Variants in GRM5 observed in about 807,000 individuals in gnomAD.
GRM5 encodes the protein glutamate metabotropic receptor 5, also known as metabotropic glutamate receptor 5.
GRM5 carries 19 observed loss-of-function variants against 83.1 expected under a neutral mutation model. The observed-to-expected ratio is 0.23, with a 90% CI of 0.16 to 0.34. The LOEUF is 0.34. GRM5 is among the 10% of genes least tolerant of loss of function. The pLI is 1.00. For synonymous variants in GRM5, 675 were observed against 633.6 expected, an observed-to-expected ratio of 1.07 and a Z score of -0.98; for missense variants, 1,160 against 1,588.3, an observed-to-expected ratio of 0.73 and a Z score of 4.58.
intron 2 of GRM5, among the ~76,000 whole-genome samples, chr11:88,875,305 T>C (rs1944833226): frequency 6.6e-6 from 1 of 152,018 alleles, no homozygotes; most frequent in Non-Finnish European, 1.5e-5. Flanking sequence ...TCTTTGCTTA[T>C]CTATTAGAAG....
intron 2 of GRM5, among the ~76,000 whole-genome samples, chr11:88,976,074 C>T (rs369626770): frequency 2.0e-5 from 3 of 152,208 alleles, no homozygotes; most frequent in East Asian, 3.9e-4. Flanking sequence ...TTGGTTCCAC[C>T]TATTTGATTA....
intron 2 of GRM5, among the ~76,000 whole-genome samples, chr11:88,933,933 A>G (rs867255571): frequency 7.2e-5 from 11 of 151,972 alleles, no homozygotes; most frequent in Admixed American, 5.9e-4. Flanking sequence ...ACCTGGGCCT[A>G]TTAAAATTAA....
At chr11:89,042,642 A>G (rs1371312008) in intron 2 of GRM5, among the ~76,000 whole-genome samples, 1 of 152,188 alleles carries the variant, frequency 6.6e-6, no homozygotes, top group Non-Finnish European at 1.5e-5. Flanking sequence ...TAGCTTCCAC[A>G]GTACCATTTA....
chr11:88,848,744 A>AT (rs1944340324), intron 3 of GRM5, among the ~76,000 whole-genome samples: 1 of 152,190 alleles, frequency 6.6e-6, no homozygotes, highest in African/African-American at 2.4e-5. Flanking sequence ...TGCCTGGGCT[A>AT]TGAGTGCCCA....
chr11:88,722,709 A>G (rs1487600119), intron 3 of GRM5, among the ~76,000 whole-genome samples: 3 of 152,124 alleles, frequency 2.0e-5, no homozygotes, highest in Non-Finnish European at 4.4e-5. Flanking sequence ...TAATAAGTAG[A>G]TTTTAATTTT....
chr11:89,045,229 T>A (rs1406919400), intron 2 of GRM5, among the ~76,000 whole-genome samples: 1 of 152,156 alleles, frequency 6.6e-6, no homozygotes, highest in Non-Finnish European at 1.5e-5. Flanking sequence ...ATAGAATGTT[T>A]TCATGTAATT....
At chr11:88,917,325 C>A (rs1945612349) in intron 2 of GRM5, among the ~76,000 whole-genome samples, 1 of 152,162 alleles carries the variant, frequency 6.6e-6, no homozygotes, top group Non-Finnish European at 1.5e-5. Flanking sequence ...AGATTTAGAA[C>A]AACATTCAAT....
At chr11:88,884,340 T>C (rs1376710565) in intron 2 of GRM5, among the ~76,000 whole-genome samples, 2 of 152,182 alleles carry the variant, frequency 1.3e-5, no homozygotes, top group Non-Finnish European at 2.9e-5. Flanking sequence ...CCCCTTTGTT[T>C]TGGCCAATTT....
At chr11:88,887,990 C>G (rs1945074558) in intron 2 of GRM5, among the ~76,000 whole-genome samples, 1 of 152,136 alleles carries the variant, frequency 6.6e-6, no homozygotes, top group Admixed American at 6.6e-5. Flanking sequence ...CCAGCCCTTC[C>G]AGTCTGCCTT....
rs1945027301 is a variant in GRM5, at chr11:88,885,450, G to GGTTTTTTTTTTTTTTTTTTTTTTTTTT, written c.662-35296_662-35295insAAAAAAAAAAAAAAAAAAAAAAAAAAC. On this transcript the variant is annotated intron_variant, in intron 2 of 9. Transcript: ENST00000305447. ...TTCTGAATTCTATAGTAGGTACCAT[G>GGTTTTTTTTTTTTTTTTTTTTTTTTTT]TTTTTTTTTTTTTTTTTTTTTTTTT... Among the ~76,000 whole-genome samples the GGTTTTTTTTTTTTTTTTTTTTTTTTTT allele has an allele frequency of 1.6e-4, 10 of 62,666 alleles. 5 individuals carry two copies. The highest frequency in any genetic ancestry group is 2.4e-4 in the African/African-American group (4 of 16,858). The allele number at this position is 62,666 out of a possible 152,430, so 41.1% of individuals were successfully genotyped here.
At chr11:88,696,214 A>C (rs1448651815) in intron 3 of GRM5, among the ~76,000 whole-genome samples, 3 of 151,832 alleles carry the variant, frequency 2.0e-5, no homozygotes, top group Non-Finnish European at 4.4e-5. Context: ...GCTGAATTTC[A>C]CTGTTGATGG....
rs753200430 is a variant in GRM5 at position 89,047,648 on chromosome 11, G to A, written c.225C>T (p.Thr75=). 1 of 1,613,980 alleles carries A rather than the reference G, an allele frequency of 6.2e-7. No individual in the cohort carries two copies. Among genetic ancestry groups the A allele is most frequent in the East Asian group, 2.2e-5 (1 of 44,876 alleles). ...GIQRVEAMLH[T]LERINSDPTL... ...TGGGGTCTGAATTGATCCTTTCCAG[G>A]GTATGCAGCATGGCCTCCACTCTCT... Residue 75 remains threonine, a synonymous_variant, in exon 2 of 10, where the codon ACC becomes ACT. Transcript: ENST00000305447. The surrounding 1 kb of genome is among the most constrained non-coding windows in gnomAD (Gnocchi z 5.1).
intron 2 of GRM5, among the ~76,000 whole-genome samples, chr11:88,882,361 C>T (rs1198414213): frequency 1.3e-5 from 2 of 149,596 alleles, no homozygotes; most frequent in Admixed American, 6.7e-5. Flanking sequence ...ACCATCCTGG[C>T]TAACACGGTG....
At chr11:88,671,399 A>G (rs149199672) in intron 3 of GRM5, among the ~76,000 whole-genome samples, 43 of 152,264 alleles carry the variant, frequency 2.8e-4, no homozygotes, top group African/African-American at 9.1e-4. Context: ...AGCACCTCTC[A>G]GGTTTTGTCT....
intron 2 of GRM5, among the ~76,000 whole-genome samples, chr11:88,932,729 C>T (rs1387606203): frequency 6.6e-6 from 1 of 151,852 alleles, no homozygotes; most frequent in Non-Finnish European, 1.5e-5. Context: ...GTTCTGTAGA[C>T]ATTTTCCAAG....
intron 3 of GRM5, among the ~76,000 whole-genome samples, chr11:88,826,504 A>ATTAAAGCC (rs1943896684): frequency 6.6e-6 from 1 of 151,792 alleles, no homozygotes; most frequent in African/African-American, 2.4e-5. Flanking sequence ...TGAAAATTTC[A>ATTAAAGCC]TTAAAGCCTT....
chr11:89,048,872 A>G (rs1365313699), intron 1 of GRM5, among the ~76,000 whole-genome samples: 1 of 152,194 alleles, frequency 6.6e-6, no homozygotes, highest in Non-Finnish European at 1.5e-5. Context: ...TAAACTGTTT[A>G]ACCTCTTGGT....
At chr11:88,722,992 A>C (rs1941583348) in intron 3 of GRM5, among the ~76,000 whole-genome samples, 1 of 152,050 alleles carries the variant, frequency 6.6e-6, no homozygotes, top group African/African-American at 2.4e-5. Context: ...TCAGGCCCTA[A>C]AAATCCCCTG....
At chr11:88,893,093 C>T (rs1052428765) in intron 2 of GRM5, among the ~76,000 whole-genome samples, 1 of 150,386 alleles carries the variant, frequency 6.6e-6, no homozygotes, top group South Asian at 2.1e-4. Context: ...GTTTCCACTG[C>T]TGTAGTATTT....
Sources: allele counts gnomAD v4.1 joint callset (sites outside exome capture counted in the v4.1 genomes callset), GRCh38; gene constraint gnomAD v4.1.1; non-coding constraint Gnocchi (gnomAD v3.1); transcripts MANE v1.5; gene names NCBI Gene and HGNC (gene_info 2026-07-23, HGNC 2026-07-21).